Variants in WWOX observed in about 807,000 individuals in gnomAD.
WWOX encodes WW domain-containing oxidoreductase.
WWOX carries 69 observed loss-of-function variants against 46.2 expected under a neutral mutation model. That is an observed-to-expected ratio of 1.49 (90% CI 1.23 to 1.82). The LOEUF is 1.82. Among genes scored for constraint, WWOX ranks in the 40% most tolerant of loss-of-function variants. WWOX has a pLI of 0.00. For missense variants in WWOX, 919 were observed against 542.6 expected, an observed-to-expected ratio of 1.69 and a Z score of -6.89; for synonymous variants, 359 against 202.6, an observed-to-expected ratio of 1.77 and a Z score of -6.56.
chr16:78,564,084 C>G (rs1159379093), intron 8 of WWOX, among the ~76,000 whole-genome samples: 1 of 152,218 alleles, frequency 6.6e-6, no homozygotes, highest in Non-Finnish European at 1.5e-5. Flanking sequence ...TTGCCCCAGC[C>G]AAGAGCCAAC....
At chr16:78,827,241 G>A (rs941582881) in intron 8 of WWOX, among the ~76,000 whole-genome samples, 4 of 152,192 alleles carry the variant, frequency 2.6e-5, no homozygotes, top group African/African-American at 9.7e-5. Flanking sequence ...AGTGAGAGCA[G>A]ATGTTAATTG....
chr16:79,036,003 A>G (rs35469977), intron 8 of WWOX, among the ~76,000 whole-genome samples: 4,282 of 152,244 alleles, frequency 0.028, 67 homozygotes, highest in Middle Eastern at 0.058. Context: ...TTAAGAATCT[A>G]TCTTTTCCGT....
At chr16:78,151,121 C>T (rs1285558131) in intron 4 of WWOX, among the ~76,000 whole-genome samples, 1 of 151,744 alleles carries the variant, frequency 6.6e-6, no homozygotes, top group South Asian at 2.1e-4. Flanking sequence ...AAGTGATCCT[C>T]TTGCCTCAGC....
At chr16:78,585,894 T>G (rs1054169468) in intron 8 of WWOX, among the ~76,000 whole-genome samples, 5 of 152,036 alleles carry the variant, frequency 3.3e-5, no homozygotes, top group Non-Finnish European at 7.4e-5. Context: ...CTGCGCATCT[T>G]CCTTCCCTTC....
At chr16:78,153,203 G>T (rs901817291) in intron 4 of WWOX, among the ~76,000 whole-genome samples, 2 of 152,162 alleles carry the variant, frequency 1.3e-5, no homozygotes, top group Admixed American at 6.5e-5. Context: ...CAGAGGTATG[G>T]ATTAGCTAGT....
chr16:79,020,316 G>A lies in WWOX; in HGVS notation c.1057-191292G>A, dbSNP rs183493955. On this transcript the variant is annotated intron_variant, in intron 8 of 8. Coordinates refer to ENST00000566780, the MANE Select transcript of WWOX (RefSeq NM_016373.4). Reference sequence around the variant, plus strand: ...TTCTTAGGGAGGTGACTTTTTAAGGGGTTTTGTGATCAAAACTATGGAGTC... The same window carrying A: ...TTCTTAGGGAGGTGACTTTTTAAGGAGTTTTGTGATCAAAACTATGGAGTC... Among the ~76,000 whole-genome samples the A allele has an allele frequency of 8.5e-5, 13 of 152,292 alleles. 1 individual carries two copies. The East Asian group carries it at 2.5e-3, about 29-fold the overall frequency.
rs181486317 is a variant in WWOX at position 79,127,956 on chromosome 16, G to A, written c.1057-83652G>A. Among the ~76,000 whole-genome samples the A allele has an allele frequency of 1.9e-3, 291 of 152,320 alleles. 2 individuals carry two copies. The highest frequency in any genetic ancestry group is 6.8e-3 in the Middle Eastern group (2 of 294). ...TTGCAGTAGTCCACATGACAGTTAC[G>A]CAAAGGCCTGGTCTGATAGAGGAAC... On this transcript the variant is annotated intron_variant, in intron 8 of 8. Coordinates refer to ENST00000566780, the MANE Select transcript of WWOX (RefSeq NM_016373.4).
chr16:78,902,256 C>G (rs376053725), intron 8 of WWOX, among the ~76,000 whole-genome samples: 1 of 152,178 alleles, frequency 6.6e-6, no homozygotes, highest in Non-Finnish European at 1.5e-5. Context: ...GCCACCAAAC[C>G]CCACCAAATG....
intron 8 of WWOX, among the ~76,000 whole-genome samples, chr16:78,633,645 C>T (rs1331548439): frequency 6.6e-6 from 1 of 152,162 alleles, no homozygotes; most frequent in Non-Finnish European, 1.5e-5. Context: ...TGCTGCAAGG[C>T]CCGCTTCTCA....
chr16:78,119,233 A>C (rs2032968630), intron 4 of WWOX, among the ~76,000 whole-genome samples: 1 of 152,250 alleles, frequency 6.6e-6, no homozygotes, highest in South Asian at 2.1e-4. Flanking sequence ...TGGTAAAAGC[A>C]ACGGAAATGC....
At chr16:78,860,770 C>G (rs759189118) in intron 8 of WWOX, among the ~76,000 whole-genome samples, 2 of 152,130 alleles carry the variant, frequency 1.3e-5, no homozygotes, top group East Asian at 1.9e-4. Context: ...TGGGAACTAG[C>G]TAAAATTAGG....
intron 5 of WWOX, among the ~76,000 whole-genome samples, chr16:78,348,949 A>C (rs2151904799): frequency 8.3e-6 from 1 of 120,932 alleles, no homozygotes; most frequent in Admixed American, 8.1e-5. Flanking sequence ...GAAAAGAGGA[A>C]GTCTGAACGA....
At chr16:78,991,158 C>T (rs987843075) in intron 8 of WWOX, among the ~76,000 whole-genome samples, 4 of 152,200 alleles carry the variant, frequency 2.6e-5, no homozygotes, top group Non-Finnish European at 5.9e-5. Flanking sequence ...GCACATTCAG[C>T]CCTTGTCAAA....
At chr16:78,942,780 A>C (rs1439827296) in intron 8 of WWOX, among the ~76,000 whole-genome samples, 1 of 152,182 alleles carries the variant, frequency 6.6e-6, no homozygotes, top group Non-Finnish European at 1.5e-5. Context: ...ATGAGCAAGA[A>C]ATTGAGAAAT....
chr16:78,598,898 C>T (rs968614810), intron 8 of WWOX, among the ~76,000 whole-genome samples: 1 of 152,150 alleles, frequency 6.6e-6, no homozygotes, highest in African/African-American at 2.4e-5. Context: ...AAACACATGA[C>T]ACCAATAGCT....
intron 8 of WWOX, among the ~76,000 whole-genome samples, chr16:78,625,931 G>A (rs1011161044): frequency 1.1e-4 from 16 of 149,236 alleles, no homozygotes; most frequent in Non-Finnish European, 7.5e-5. Flanking sequence ...AGTAAAATTT[G>A]CATTACTTAA....
intron 8 of WWOX, chr16:79,106,125 C>T (rs1205857561): frequency 6.6e-6 from 1 of 152,216 alleles, no homozygotes; most frequent in East Asian, 1.9e-4. Flanking sequence ...AATGGAAATT[C>T]TTAGGCCACT....
chr16:78,281,931 G>C (rs1289737262), intron 5 of WWOX, among the ~76,000 whole-genome samples: 1 of 152,118 alleles, frequency 6.6e-6, no homozygotes, highest in African/African-American at 2.4e-5. Context: ...TCTTCAAAGG[G>C]AAAATTCTCT....
At chr16:79,014,052 G>C (rs1262886095) in intron 8 of WWOX, among the ~76,000 whole-genome samples, 1 of 152,210 alleles carries the variant, frequency 6.6e-6, no homozygotes, top group African/African-American at 2.4e-5. Context: ...GTCAATTCCT[G>C]AGAGCCGCTG....
Sources: gnomAD v4.1 joint callset for allele counts (sites outside exome capture counted in the v4.1 genomes callset) on GRCh38, gnomAD v4.1.1 for gene constraint, MANE v1.5 for transcripts, NCBI Gene and HGNC (gene_info 2026-07-23, HGNC 2026-07-21) for gene names.